XPNPEP2: variants seen among roughly 807,000 people sequenced by gnomAD.
XPNPEP2 encodes the protein xaa-Pro aminopeptidase 2.
A neutral mutation model predicts 59.8 loss-of-function variants in XPNPEP2; 64 were observed. The observed-to-expected ratio is 1.07, with a 90% confidence interval of 0.87 to 1.32. The LOEUF is 1.32. Among genes scored for constraint, XPNPEP2 ranks in the 40% most tolerant of loss-of-function variants. XPNPEP2 has a pLI of 0.00. For missense variants in XPNPEP2, 575 were observed against 546.8 expected (o/e 1.05, Z -0.51); for synonymous variants, 235 against 210.0 (o/e 1.12, Z -1.03).
rs144474012 is a variant in XPNPEP2 at position 129,750,501 on chromosome X, G to A, written c.671G>A (p.Arg224Gln). ...STWQEKVSGVRSQMQKHQKVP... is the reference protein window; with the variant it reads ...STWQEKVSGVQSQMQKHQKVP... ...TGGCAGGAGAAAGTATCTGGCGTCC[G>A]AAGCCAGATGCAGAAGCATCAAAAG... Residue 224 changes from arginine to glutamine, a missense_variant, in exon 8 of 21, where the codon CGA becomes CAA. Transcript: ENST00000371106. The A allele has an allele frequency of 5.8e-6, 7 of 1,197,031 alleles. No homozygotes were observed. The highest frequency in any genetic ancestry group is 3.0e-5 in the East Asian group (1 of 33,460).
At chrX:129,742,226 C>A in intron 2 of XPNPEP2, 45 bp downstream of exon 2, 1 of 704,796 alleles carries the variant, frequency 1.4e-6, no homozygotes, top group Non-Finnish European at 2.0e-6. Context: ...TGGCCCCACG[C>A]ACCCCCCCAC....
At chrX:129,759,750 CAG>C (rs1259722182) in intron 15 of XPNPEP2, among the ~76,000 whole-genome samples, 2 of 112,874 alleles carry the variant, frequency 1.8e-5, no homozygotes, top group Non-Finnish European at 3.8e-5. Flanking sequence ...GCTGGAAACA[CAG>C]AGAGGGGAAC....
chrX:129,749,744 G>A (rs1569476302), intron 7 of XPNPEP2, among the ~76,000 whole-genome samples: 1 of 112,784 alleles, frequency 8.9e-6, no homozygotes, highest in Non-Finnish European at 1.9e-5. Context: ...GGACAGATTT[G>A]GAGACTGAGA....
chrX:129,750,072 T>C (rs1361222368), intron 7 of XPNPEP2, among the ~76,000 whole-genome samples: 1 of 113,060 alleles, frequency 8.8e-6, no homozygotes, highest in Non-Finnish European at 1.9e-5. Flanking sequence ...TGCATGATTA[T>C]TTATTAATCA....
intron 2 of XPNPEP2, among the ~76,000 whole-genome samples, chrX:129,743,758 G>T (rs374445595): frequency 2.2e-4 from 24 of 111,483 alleles, no homozygotes; most frequent in African/African-American, 7.2e-4. Flanking sequence ...TCTCCACCCA[G>T]CCCAGGCATC....
At chrX:129,747,353 T>C (rs1278318753) in intron 6 of XPNPEP2, among the ~76,000 whole-genome samples, 2 of 112,579 alleles carry the variant, frequency 1.8e-5, no homozygotes, top group Admixed American at 9.3e-5. Context: ...AAAGACAAGC[T>C]TAGCCAATTT....
chrX:129,749,244 G>C (rs772576043), intron 7 of XPNPEP2, among the ~76,000 whole-genome samples: 1 of 111,748 alleles, frequency 8.9e-6, no homozygotes, highest in Non-Finnish European at 1.9e-5. Context: ...CTCAGGGGAG[G>C]GGGGATAGGG....
chrX:129,741,926 G>A (rs1009254569), intron 1 of XPNPEP2, among the ~76,000 whole-genome samples, 182 bp from the exon 2 acceptor site: 32 of 112,163 alleles, frequency 2.9e-4, no homozygotes, highest in Non-Finnish European at 4.9e-4. Context: ...GTGACCCAGG[G>A]TGCTATCCAG....
At chrX:129,766,885 G>C (rs1255661149) in intron 19 of XPNPEP2, among the ~76,000 whole-genome samples, 1 of 111,498 alleles carries the variant, frequency 9.0e-6, no homozygotes, top group Non-Finnish European at 1.9e-5. Context: ...GCAGGAAAGA[G>C]AGAGCTAACA....
chrX:129,744,296 C>G (rs748299608), intron 3 of XPNPEP2, among the ~76,000 whole-genome samples: 1 of 112,081 alleles, frequency 8.9e-6, no homozygotes, highest in Admixed American at 9.4e-5. Flanking sequence ...AGAAATTAAA[C>G]TATAAACAAC....
At chrX:129,741,189 C>T (rs960240805) in intron 1 of XPNPEP2, among the ~76,000 whole-genome samples, 1 of 108,079 alleles carries the variant, frequency 9.3e-6, no homozygotes, top group African/African-American at 3.4e-5. Context: ...GGGTCACTCT[C>T]GAGTCACTCT....
chrX:129,746,456 A>T (rs1926298986), intron 5 of XPNPEP2, 116 bp downstream of exon 5: 10 of 932,598 alleles, frequency 1.1e-5, no homozygotes, highest in Non-Finnish European at 1.5e-5. Flanking sequence ...GAGCTTAGGA[A>T]ATTTGAGGCC....
intron 6 of XPNPEP2, among the ~76,000 whole-genome samples, chrX:129,747,132 G>A (rs1355966300): frequency 1.8e-5 from 2 of 111,476 alleles, no homozygotes; most frequent in Non-Finnish European, 3.8e-5. Context: ...TACAACTCCC[G>A]GAGTTCTGGG....
In XPNPEP2 at chrX:129,752,450, G is replaced by C. The variant is rs995587649; in HGVS notation, c.1017+105G>C. ...AAGCCCCTCAGCCATTCAGTCATCTGGTCAGCCAACAACTGTGCAGTGAGT... is the reference window on the plus strand; with the variant it reads ...AAGCCCCTCAGCCATTCAGTCATCTCGTCAGCCAACAACTGTGCAGTGAGT... On this transcript the variant is annotated intron_variant, in intron 10 of 20. Coordinates refer to ENST00000371106, the MANE Select transcript of XPNPEP2 (RefSeq NM_003399.6). 1.2e-5 allele frequency: 11 copies of C among 907,925 alleles called. No homozygotes were observed. The Admixed American group carries it at 1.7e-4, about 14-fold the overall frequency. The allele number at this position is 907,925 out of a possible 1,213,427, so 74.8% of individuals were successfully genotyped here.
rs181454345 is a variant in XPNPEP2, at chrX:129,741,357, C to T, written c.50-751C>T. Among the ~76,000 whole-genome samples the T allele has an allele frequency of 2.7e-5, 3 of 112,369 alleles. No homozygotes were observed. In the Admixed American group the frequency reaches 2.8e-4, roughly 11 times the overall value. On this transcript the variant is annotated intron_variant, in intron 1 of 20. Transcript: ENST00000371106. Reference sequence around the variant, plus strand: ...ATTAAGATGGCCTGGGTTCAAATCCCTGTTCTACCACTGACTCCTGGTGGC... The same window carrying T: ...ATTAAGATGGCCTGGGTTCAAATCCTTGTTCTACCACTGACTCCTGGTGGC...
chrX:129,765,000 G>GA, intron 19 of XPNPEP2, among the ~76,000 whole-genome samples: 1 of 110,577 alleles, frequency 9.0e-6, no homozygotes, highest in Admixed American at 9.6e-5. Context: ...AAAGAGAAGG[G>GA]AAAAAAAAGT....
At chrX:129,755,250 C>T in intron 12 of XPNPEP2, 44 bp from the exon 13 acceptor site, 2 of 1,155,811 alleles carry the variant, frequency 1.7e-6, no homozygotes, top group Non-Finnish European at 2.4e-6. Flanking sequence ...CCAGCCTAGT[C>T]CAGGGGCCCA....
At chrX:129,761,651 G>A (rs183863080) in intron 17 of XPNPEP2, among the ~76,000 whole-genome samples, 41 of 111,739 alleles carry the variant, frequency 3.7e-4, no homozygotes, top group Non-Finnish European at 2.6e-4. Context: ...GCAAGACCCC[G>A]TCTCTACAAA....
At chrX:129,745,331 A>G in intron 4 of XPNPEP2, 65 bp downstream of exon 4, 1 of 1,155,090 alleles carries the variant, frequency 8.7e-7, no homozygotes, top group Non-Finnish European at 1.2e-6. Context: ...CAGAGGACCT[A>G]ATGTGGCTAG....
Sources: gnomAD v4.1 joint callset for allele counts (sites outside exome capture counted in the v4.1 genomes callset) on GRCh38, gnomAD v4.1.1 for gene constraint, MANE v1.5 for transcripts, NCBI Gene and HGNC (gene_info 2026-07-23, HGNC 2026-07-21) for gene names.